The following CMTM4 variants were observed in gnomAD, a reference collection of about 807,000 sequenced individuals.
CMTM4 encodes the protein CKLF-like MARVEL transmembrane domain-containing protein 4.
CMTM4 carries 8 observed loss-of-function variants against 19.0 expected under a neutral mutation model. The observed-to-expected ratio is 0.42, with a 90% CI of 0.25 to 0.76. The LOEUF is 0.76. Ranked by LOEUF, CMTM4 falls within the 30% of genes least tolerant of loss-of-function variation. CMTM4 has a pLI of 0.27. For missense variants in CMTM4, 228 were observed against 290.2 expected, an observed-to-expected ratio of 0.79 and a Z score of 1.56; for synonymous variants, 106 against 121.1, an observed-to-expected ratio of 0.88 and a Z score of 0.82.
intron 2 of CMTM4, among the ~76,000 whole-genome samples, chr16:66,634,564 A>C (rs1281754451): frequency 6.6e-6 from 1 of 152,146 alleles, no homozygotes; most frequent in Non-Finnish European, 1.5e-5. Flanking sequence ...TGTCAGATAA[A>C]TGGACAAAAC....
chr16:66,622,942 G>A lies in CMTM4; in HGVS notation c.462+462C>T, dbSNP rs2015666905. On this transcript the variant is annotated intron_variant, in intron 3 of 3. Transcript: ENST00000394106. This position sits in a 1 kb window ranked among gnomAD's most constrained non-coding sequence, Gnocchi z 4.0. ...ACAATACAGAAATGCAGGGCATGGA[G>A]AGGGGAAGTCCTACATTATCTGGTC... Among the ~76,000 whole-genome samples the A allele has an allele frequency of 6.6e-6, 1 of 152,244 alleles. No homozygotes were observed. Among genetic ancestry groups the A allele is most frequent in the Non-Finnish European group, 1.5e-5 (1 of 68,050 alleles).
intron 1 of CMTM4, among the ~76,000 whole-genome samples, chr16:66,674,694 C>A (rs900267199): frequency 4.6e-5 from 7 of 151,328 alleles, no homozygotes; most frequent in African/African-American, 1.5e-4. Context: ...CATCTACAGA[C>A]CTCACAGAGG....
chr16:66,622,177 G>C lies in CMTM4; in HGVS notation c.508C>G (p.Leu170Val). 5 of 1,614,026 alleles carry C rather than the reference G, an allele frequency of 3.1e-6. No individual in the cohort carries two copies. The highest frequency in any genetic ancestry group is 4.2e-6 in the Non-Finnish European group (5 of 1,179,994). ...CTGACTCTCCATTTCTGCACTGCCAGGAATGTGTTCACTGCATATGCCGCA... is the reference window on the plus strand; with the variant it reads ...CTGACTCTCCATTTCTGCACTGCCACGAATGTGTTCACTGCATATGCCGCA... ...ATAAYAVNTF[L>V]AVQKWRVSVR... is the part of the protein sequence containing the mutation. Residue 170 changes from leucine to valine, a missense_variant, in exon 4 of 4, where the codon CTG (leucine) becomes GTG (valine). Coordinates refer to ENST00000394106, the MANE Select transcript of CMTM4 (RefSeq NM_181521.3). The surrounding 1 kb of genome is among the most constrained non-coding windows in gnomAD (Gnocchi z 4.0).
At chr16:66,674,888 C>T (rs2016780340) in intron 1 of CMTM4, among the ~76,000 whole-genome samples, 1 of 150,490 alleles carries the variant, frequency 6.6e-6, no homozygotes, top group African/African-American at 2.4e-5. Flanking sequence ...ATTACAGGTG[C>T]CTGCCACCAC....
At chr16:66,683,143 A>ACG (rs1555502462) in intron 1 of CMTM4, among the ~76,000 whole-genome samples, 17 of 131,384 alleles carry the variant, frequency 1.3e-4, no homozygotes, top group African/African-American at 3.3e-4. Flanking sequence ...ATATATATAT[A>ACG]TATGTATATA....
chr16:66,605,167 C>A, the CMTM4 span: 2 of 434,910 alleles, frequency 4.6e-6, no homozygotes, highest in Non-Finnish European at 8.0e-6. The surrounding 1 kb of genome is among the most constrained non-coding windows in gnomAD (Gnocchi z 4.6). Flanking sequence ...AGGCCATCCG[C>A]GGCGCTGTCC....
At chr16:66,613,112 T>G, downstream of CMTM4, 1 of 703,074 alleles carries the variant, frequency 1.4e-6, no homozygotes. Flanking sequence ...CCAGCCACTT[T>G]GGTGACAATG....
chr16:66,637,939 G>A (rs1262378865), intron 1 of CMTM4, among the ~76,000 whole-genome samples: 1 of 152,232 alleles, frequency 6.6e-6, no homozygotes, highest in Non-Finnish European at 1.5e-5. Context: ...TACAGAATCA[G>A]AATCTGCTTT....
chr16:66,612,566 G>A (rs200036522), downstream of CMTM4: 45 of 1,609,600 alleles, frequency 2.8e-5, no homozygotes, highest in East Asian at 1.0e-3. The surrounding 1 kb of genome is among the most constrained non-coding windows in gnomAD (Gnocchi z 6.0). Context: ...AGGCACCGCT[G>A]CCCTGAGCCT....
chr16:66,687,521 A>C (rs570770903), intron 1 of CMTM4, among the ~76,000 whole-genome samples: 1 of 152,064 alleles, frequency 6.6e-6, no homozygotes, highest in South Asian at 2.1e-4. Flanking sequence ...AATAAAATAA[A>C]ATACAAAAGG....
intron 1 of CMTM4, among the ~76,000 whole-genome samples, chr16:66,680,527 C>T (rs919868828): frequency 3.3e-5 from 5 of 151,186 alleles, no homozygotes; most frequent in Admixed American, 3.3e-4. Flanking sequence ...GTAATCCCAG[C>T]GCTTCGGGAG....
At chr16:66,624,722 G>A (rs2015703138) in intron 2 of CMTM4, among the ~76,000 whole-genome samples, 1 of 152,206 alleles carries the variant, frequency 6.6e-6, no homozygotes, top group Non-Finnish European at 1.5e-5. Flanking sequence ...AGCTAAGATC[G>A]TGCCACTGCA....
chr16:66,624,291 G>T (rs996645108), intron 2 of CMTM4, among the ~76,000 whole-genome samples: 1 of 152,180 alleles, frequency 6.6e-6, no homozygotes. Context: ...TGTCACTTCT[G>T]TTATTACTAC....
At chr16:66,653,996 C>T (rs1242816863) in intron 1 of CMTM4, among the ~76,000 whole-genome samples, 1 of 152,132 alleles carries the variant, frequency 6.6e-6, no homozygotes, top group Non-Finnish European at 1.5e-5. Context: ...CTGCCTCGGC[C>T]TCTGAAAGTG....
At chr16:66,643,903 A>G (rs356506) in intron 1 of CMTM4, among the ~76,000 whole-genome samples, 105,979 of 151,964 alleles carry the variant, frequency 0.7, 37,945 homozygotes, top group African/African-American at 0.87. Flanking sequence ...ACAGGTGCCC[A>G]CCACCACACC....
intron 2 of CMTM4, among the ~76,000 whole-genome samples, chr16:66,633,368 A>T (rs2015921084): frequency 6.6e-6 from 1 of 151,912 alleles, no homozygotes; most frequent in South Asian, 2.1e-4. Context: ...GCTCTGCTGG[A>T]GACAAAAATA....
chr16:66,610,707 T>C (rs1049163481), downstream of CMTM4: 3 of 397,492 alleles, frequency 7.5e-6, no homozygotes, highest in Admixed American at 1.3e-4. The surrounding 1 kb of genome is among the most constrained non-coding windows in gnomAD (Gnocchi z 4.6). Context: ...ACCAGGCGGA[T>C]GTGCCCCTGT....
At chr16:66,663,841 C>T (rs2016544399) in intron 1 of CMTM4, among the ~76,000 whole-genome samples, 1 of 152,084 alleles carries the variant, frequency 6.6e-6, no homozygotes, top group Non-Finnish European at 1.5e-5. Context: ...ACACCCGGCC[C>T]ATTTGCTTCT....
At chr16:66,639,383 T>G (rs1480312312) in intron 1 of CMTM4, among the ~76,000 whole-genome samples, 2 of 152,214 alleles carry the variant, frequency 1.3e-5, no homozygotes, top group African/African-American at 4.8e-5. Flanking sequence ...TTCACGGATA[T>G]GCAAATCTAA....
Sources: gnomAD v4.1 joint callset for allele counts (sites outside exome capture counted in the v4.1 genomes callset) on GRCh38, gnomAD v4.1.1 for gene constraint, Gnocchi (gnomAD v3.1) non-coding constraint, MANE v1.5 for transcripts, NCBI Gene and HGNC (gene_info 2026-07-23, HGNC 2026-07-21) for gene names.